Variants in PLEKHH2 observed in about 807,000 individuals in gnomAD.
The protein encoded by PLEKHH2 is pleckstrin homology, MyTH4 and FERM domain containing H2.
PLEKHH2 carries 129 observed loss-of-function variants against 187.9 expected under a neutral mutation model. That is an observed-to-expected ratio of 0.69 (90% CI 0.59 to 0.79). The LOEUF (loss-of-function observed/expected upper bound fraction) is 0.79. PLEKHH2 is among the 30% of genes least tolerant of loss of function. The pLI is 0.00. For missense variants in PLEKHH2, 2,076 were observed against 1,751.2 expected, an observed-to-expected ratio of 1.19 and a Z score of -3.31; for synonymous variants, 686 against 605.6, an observed-to-expected ratio of 1.13 and a Z score of -1.95.
At chr2:43,702,527 CTTTTTTTTT>C (rs1167078689) in intron 8 of PLEKHH2, among the ~76,000 whole-genome samples, 1 of 57,418 alleles carries the variant, frequency 1.7e-5, no homozygotes, top group Non-Finnish European at 3.0e-5. Flanking sequence ...CATTCTACTA[CTTTTTTTTT>C]TTTTTTTTTT....
At chr2:43,656,881 T>C (rs892279584) in intron 2 of PLEKHH2, among the ~76,000 whole-genome samples, 1 of 151,984 alleles carries the variant, frequency 6.6e-6, no homozygotes. Context: ...TAGCCAGGCA[T>C]GGTGGCAAGT....
intron 2 of PLEKHH2, among the ~76,000 whole-genome samples, chr2:43,653,870 A>G (rs1666609164): frequency 6.6e-6 from 1 of 152,264 alleles, no homozygotes; most frequent in African/African-American, 2.4e-5. Context: ...GTTCTTTTAC[A>G]TGGTTTTACA....
intron 25 of PLEKHH2, among the ~76,000 whole-genome samples, chr2:43,755,514 G>A (rs2104619096): frequency 6.6e-6 from 1 of 152,276 alleles, no homozygotes. Context: ...ACAAATGCTA[G>A]AGGGATTTTT....
chr2:43,711,219 TA>T, intron 14 of PLEKHH2: 8 of 985,540 alleles, frequency 8.1e-6, no homozygotes, highest in Non-Finnish European at 9.6e-6. Flanking sequence ...TATTTTCTTA[TA>T]TTGCTCCTTT....
In PLEKHH2 at chr2:43,765,786, CA is replaced by C; in HGVS notation, c.*189del. The C allele has an allele frequency of 1.9e-6, 1 of 522,588 alleles. No homozygotes were observed. Among genetic ancestry groups the C allele is most frequent in the East Asian group, 3.3e-5 (1 of 30,666 alleles). The allele number at this position is 522,588 out of a possible 1,614,324, so 32.4% of individuals were successfully genotyped here. ...ATAAATATTAACAGTAAAACATAAA[CA>C]CAAAATTTGCCAACACACTAATTTT... On this transcript the variant is annotated 3_prime_UTR_variant, in exon 30 of 30. Transcript: ENST00000282406.
chr2:43,676,320 C>A, intron 2 of PLEKHH2: 2 of 1,602,742 alleles, frequency 1.2e-6, no homozygotes, highest in South Asian at 1.1e-5. Flanking sequence ...TAGCGGAAAC[C>A]ATTTTCCAGG....
intron 2 of PLEKHH2, among the ~76,000 whole-genome samples, chr2:43,647,810 G>C (rs749721444): frequency 6.6e-6 from 1 of 152,002 alleles, no homozygotes; most frequent in Non-Finnish European, 1.5e-5. Context: ...TACTAATTTG[G>C]TTCTTTAGCT....
intron 3 of PLEKHH2, among the ~76,000 whole-genome samples, chr2:43,689,058 T>C (rs1241583690): frequency 6.6e-6 from 1 of 152,164 alleles, no homozygotes; most frequent in Non-Finnish European, 1.5e-5. Flanking sequence ...AACTATGTGG[T>C]GTGGCCCAAG....
chr2:43,712,148 G>T, intron 14 of PLEKHH2, 77 bp from the exon 15 acceptor site: 1 of 1,527,634 alleles, frequency 6.5e-7, no homozygotes, highest in Non-Finnish European at 9.0e-7. Flanking sequence ...AATGACGTTT[G>T]AATAATGAAC....
chr2:43,680,122 A>T (rs1463521358), intron 3 of PLEKHH2, among the ~76,000 whole-genome samples: 1 of 152,216 alleles, frequency 6.6e-6, no homozygotes, highest in Non-Finnish European at 1.5e-5. Context: ...TCATGAAAAG[A>T]TCTCAGTCAT....
rs68179082 is a variant in PLEKHH2 at position 43,690,346 on chromosome 2, C to CT, written c.187-2157dup. Among the ~76,000 whole-genome samples, 1,262 of 146,732 alleles carry CT rather than the reference C, an allele frequency of 8.6e-3. 19 individuals are homozygous for CT. The highest frequency in any genetic ancestry group is 0.027 in the African/African-American group (1,089 of 40,298). ...AGAATACATTTTTCTTCTTCTTCAA[C>CT]TTTTTTTTTTTGTGCTTTTATTTTC... On this transcript the variant is annotated intron_variant, in intron 3 of 29. Transcript: ENST00000282406.
chr2:43,738,012 G>C (rs1284226790), intron 19 of PLEKHH2, among the ~76,000 whole-genome samples: 1 of 152,196 alleles, frequency 6.6e-6, no homozygotes, highest in African/African-American at 2.4e-5. Context: ...TGACTAAAAT[G>C]AAAAATATGC....
At chr2:43,717,542 G>C (rs899516828) in intron 15 of PLEKHH2, among the ~76,000 whole-genome samples, 5 of 152,202 alleles carry the variant, frequency 3.3e-5, no homozygotes. Context: ...AATTGCAGAA[G>C]TGGAGCAGTT....
At position 43,710,296 on chromosome 2, in the gene PLEKHH2, T is replaced by C. The variant is rs1262708810; in HGVS notation, c.2180T>C (p.Leu727Pro). Residue 727 changes from leucine (L) to proline (P), a missense_variant, in exon 13 of 30, where the codon CTT (leucine) becomes CCT (proline). Physicochemically the swap from Leu to Pro is moderately conservative, Grantham distance 98. Transcript: ENST00000282406. ...TCTTGGAAGCGGCGGTGGTTTGTTC[T>C]TAAAGGTGGTGAATTACTTTACTAC... is the stretch of plus-strand genomic sequence containing the variant. ...VKSWKRRWFV[L>P]KGGELLYYKS... is the part of the protein sequence containing the mutation. 2.5e-6 allele frequency: 4 copies of C among 1,614,104 alleles called. No homozygotes were observed. Among genetic ancestry groups the C allele is most frequent in the Non-Finnish European group, 3.4e-6 (4 of 1,179,954 alleles).
At chr2:43,654,665 G>A (rs947245551) in intron 2 of PLEKHH2, among the ~76,000 whole-genome samples, 1 of 148,848 alleles carries the variant, frequency 6.7e-6, no homozygotes, top group East Asian at 2.0e-4. Flanking sequence ...ATTGCTTGAG[G>A]CCAAGAGTTC....
rs1471214574 is a variant in PLEKHH2, at chr2:43,766,671, G to C, written c.*1073G>C. On this transcript the variant is annotated 3_prime_UTR_variant, in exon 30 of 30. Transcript: ENST00000282406. ...GCTGGAGTGCAGTGGTGCCATCATA[G>C]CTCACTGTAGCCTCGACCTTCCGGG... 1 of 152,248 alleles carries C rather than the reference G, an allele frequency of 6.6e-6. No individual in the cohort carries two copies. Among genetic ancestry groups the C allele is most frequent in the Non-Finnish European group, 1.5e-5 (1 of 68,172 alleles). 9.4% of individuals were successfully genotyped at this position (152,248 alleles called of 1,614,324 possible).
rs141279951 is a variant in PLEKHH2, at chr2:43,678,838, A to G, written c.124-25A>G. On this transcript the variant is annotated intron_variant, in intron 2 of 29. Coordinates refer to ENST00000282406, the MANE Select transcript of PLEKHH2 (RefSeq NM_172069.4). Reference sequence around the variant, plus strand: ...TCATTTTTCAAAAATAAATTTTTGTATTTATATTTTCCCTCACTCTACAGA... The same window carrying G: ...TCATTTTTCAAAAATAAATTTTTGTGTTTATATTTTCCCTCACTCTACAGA... 839 of 1,539,736 alleles carry G rather than the reference A, an allele frequency of 5.4e-4. 3 individuals are homozygous for G. In the African/African-American group the frequency reaches 9.8e-3, roughly 18 times the overall value.
At chr2:43,757,639 C>T (rs1050171518) in intron 26 of PLEKHH2, among the ~76,000 whole-genome samples, 4 of 152,046 alleles carry the variant, frequency 2.6e-5, no homozygotes, top group African/African-American at 4.8e-5. Context: ...AGGATGGTCT[C>T]GATCTCCTGA....
Position 43,651,282 on chromosome 2 carries a change from T to A in PLEKHH2, c.123+6486T>A, listed in dbSNP as rs139897947. Among the ~76,000 whole-genome samples the A allele has an allele frequency of 4.4e-3, 667 of 152,098 alleles. 3 individuals are homozygous for A. The highest frequency in any genetic ancestry group is 0.015 in the African/African-American group (614 of 41,494). On this transcript the variant is annotated intron_variant, in intron 2 of 29. Transcript: ENST00000282406. ...TAGGGTTTCACTATCTTGGCCAAGC[T>A]GGTCTCGAACTCCTGACCTTGTGAT...
Sources: allele counts gnomAD v4.1 joint callset (sites outside exome capture counted in the v4.1 genomes callset), GRCh38; gene constraint gnomAD v4.1.1; transcripts MANE v1.5; gene names NCBI Gene and HGNC (gene_info 2026-07-23, HGNC 2026-07-21).